The following SCAMP2 variants were observed in gnomAD, a reference collection of about 807,000 sequenced individuals.
SCAMP2 encodes the protein secretory carrier membrane protein 2.
SCAMP2 carries 25 observed loss-of-function variants against 44.1 expected under a neutral mutation model. The ratio of observed to expected loss-of-function variants is 0.57; its 90% CI spans 0.41 to 0.79. SCAMP2 has a LOEUF of 0.79. SCAMP2 is among the 30% of genes least tolerant of loss of function. The probability of loss-of-function intolerance (pLI) is 0.00; values close to 1 mark genes in which losing one functional copy is unlikely to be tolerated. For missense variants in SCAMP2, 355 were observed against 411.0 expected (o/e 0.86, Z 1.18); for synonymous variants, 156 against 166.0 (o/e 0.94, Z 0.46).
At chr15:74,845,633 G>A (rs772374527) in intron 7 of SCAMP2, 40 bp from the exon 8 acceptor site, 2 of 1,611,190 alleles carry the variant, frequency 1.2e-6, no homozygotes, top group South Asian at 2.2e-5. Context: ...CAAAGTGGGA[G>A]TGGGCTCCAA....
rs574850577 is a variant in SCAMP2 at position 74,857,464 on chromosome 15, G to A, written c.58-2815C>T. Among the ~76,000 whole-genome samples, 41 of 152,300 alleles carry A rather than the reference G, an allele frequency of 2.7e-4. 1 individual carries two copies. In the South Asian group the frequency reaches 7.5e-3, roughly 28 times the overall value. On this transcript the variant is annotated intron_variant, in intron 1 of 8. Coordinates refer to ENST00000268099, the MANE Select transcript of SCAMP2 (RefSeq NM_005697.5). ...CAGACTCAGCAGACACCTAGCCACC[G>A]CTGAAGTCACTGAAATCGGATCTAC...
At chr15:74,853,481 C>T (rs1567250818) in intron 3 of SCAMP2, 2 of 456,464 alleles carry the variant, frequency 4.4e-6, no homozygotes, top group South Asian at 3.1e-5. Context: ...AACTTGCTGG[C>T]CTGTCTAAGC....
intron 1 of SCAMP2, among the ~76,000 whole-genome samples, chr15:74,857,687 G>A (rs1047465046): frequency 3.3e-5 from 5 of 152,156 alleles, no homozygotes; most frequent in African/African-American, 1.2e-4. Flanking sequence ...GGGATCATAG[G>A]GTGACTGCCC....
chr15:74,855,087 T>TTCATTCATTTTACTTA (rs2064459854), intron 1 of SCAMP2, among the ~76,000 whole-genome samples: 1 of 151,640 alleles, frequency 6.6e-6, no homozygotes, highest in African/African-American at 2.4e-5. Context: ...TTATTATTCA[T>TTCATTCATTTTACTTA]TTATTCCTCT....
Position 74,847,086 on chromosome 15 carries a change from A to ATTTT in SCAMP2, c.735-1497_735-1494dup, listed in dbSNP as rs34231883. On this transcript the variant is annotated intron_variant, in intron 7 of 8. Transcript: ENST00000268099. ...AAACCCATACACCTATTGTCAGTTA[A>ATTTT]TTTTTTTTTTTTTTTTTTTTTTTGA... 5.7e-3 allele frequency among the ~76,000 whole-genome samples: 626 copies of ATTTT among 109,198 alleles called. 11 individuals carry two copies. The highest frequency in any genetic ancestry group is 8.2e-3 in the Non-Finnish European group (463 of 56,142). 71.6% of individuals were successfully genotyped at this position (109,198 alleles called of 152,430 possible). A position where few individuals can be genotyped will look rare whatever the true frequency, so the allele number is the denominator to read the frequency against.
At chr15:74,869,349 C>A (rs1022185027) in intron 1 of SCAMP2, among the ~76,000 whole-genome samples, 13 of 151,796 alleles carry the variant, frequency 8.6e-5, no homozygotes, top group African/African-American at 2.9e-4. Context: ...AATTAAAGAA[C>A]AAAAGCACAA....
chr15:74,845,761 C>T (rs2064395244), intron 7 of SCAMP2, among the ~76,000 whole-genome samples, 168 bp from the exon 8 acceptor site: 1 of 152,218 alleles, frequency 6.6e-6, no homozygotes, highest in African/African-American at 2.4e-5. Flanking sequence ...GAGGCCAGAC[C>T]TCCGTGAAGG....
At chr15:74,872,638 T>C (rs1020469221) in intron 1 of SCAMP2, among the ~76,000 whole-genome samples, 1 of 152,188 alleles carries the variant, frequency 6.6e-6, no homozygotes, top group African/African-American at 2.4e-5. Flanking sequence ...ATTTTTCAAC[T>C]TGGGCTACCT....
rs2064362330 is a variant in SCAMP2, at chr15:74,844,084, G to A, written c.*999C>T. ...GGCTTATCAGTCCCTGCTGAGGGAT[G>A]CGGTTCTGGACTGGCTGGCCCTGCC... On this transcript the variant is annotated 3_prime_UTR_variant, in exon 9 of 9. Transcript: ENST00000268099. The A allele has an allele frequency of 1.3e-5, 2 of 152,232 alleles. No homozygotes were observed. Among genetic ancestry groups the A allele is most frequent in the Admixed American group, 1.3e-4 (2 of 15,278 alleles). The allele number at this position is 152,232 out of a possible 1,614,324, so 9.4% of individuals were successfully genotyped here. A position where few individuals can be genotyped will look rare whatever the true frequency, so the allele number is the denominator to read the frequency against.
intron 1 of SCAMP2, among the ~76,000 whole-genome samples, chr15:74,862,850 C>CCACACA (rs1555475203): frequency 5.8e-5 from 2 of 34,234 alleles, no homozygotes; most frequent in Admixed American, 3.0e-4. Flanking sequence ...AAAAAACAAA[C>CCACACA]CATACACACA....
chr15:74,859,828 G>A (rs774523308), intron 1 of SCAMP2, among the ~76,000 whole-genome samples: 14 of 152,044 alleles, frequency 9.2e-5, no homozygotes, highest in African/African-American at 3.4e-4. Flanking sequence ...CATACCATGC[G>A]TTTCACAGGT....
At position 74,844,158 on chromosome 15, in the gene SCAMP2, T is replaced by C. The variant is rs1361724001; in HGVS notation, c.*925A>G. The C allele has an allele frequency of 2.6e-5, 3 of 117,534 alleles. No homozygotes were observed. The highest frequency in any genetic ancestry group is 5.0e-5 in the Non-Finnish European group (3 of 59,580). The allele number at this position is 117,534 out of a possible 1,614,324, so 7.3% of individuals were successfully genotyped here. On this transcript the variant is annotated 3_prime_UTR_variant, in exon 9 of 9. Coordinates refer to ENST00000268099, the MANE Select transcript of SCAMP2 (RefSeq NM_005697.5). ...TGATGGGGAGCATGGGCGGGGCAGG[T>C]GGCATCTGAGGCAGAGACAAAGGCA... is the stretch of plus-strand genomic sequence containing the variant.
At chr15:74,869,644 C>T (rs1433969766) in intron 1 of SCAMP2, among the ~76,000 whole-genome samples, 2 of 152,208 alleles carry the variant, frequency 1.3e-5, no homozygotes, top group East Asian at 3.9e-4. Context: ...TCATTGAGGT[C>T]TTGGTTTCCT....
chr15:74,862,110 A>G (rs1488012783), intron 1 of SCAMP2, among the ~76,000 whole-genome samples: 1 of 129,296 alleles, frequency 7.7e-6, no homozygotes, highest in Non-Finnish European at 1.7e-5. Context: ...AAAAAATACA[A>G]AAGTTAGCCA....
At chr15:74,858,453 C>T (rs2064480906) in intron 1 of SCAMP2, among the ~76,000 whole-genome samples, 1 of 152,094 alleles carries the variant, frequency 6.6e-6, no homozygotes, top group African/African-American at 2.4e-5. Flanking sequence ...CAGCTCGGGA[C>T]CCTGGCTGAG....
Position 74,850,522 on chromosome 15 carries a change from C to T in SCAMP2, c.624G>A (p.Lys208=). Residue 208 remains lysine (K), a synonymous_variant, in exon 6 of 9, where the codon AAG becomes AAA. Coordinates refer to ENST00000268099, the MANE Select transcript of SCAMP2 (RefSeq NM_005697.5). ...AFLCWYRPIY[K]AFRSDNSFSF... ...GCCCCGGCCTCACTCACCTAAAGGCCTTATAGATGGGTCGGTACCAACAAA... is the reference window on the plus strand; with the variant it reads ...GCCCCGGCCTCACTCACCTAAAGGCTTTATAGATGGGTCGGTACCAACAAA... 1 of 1,613,930 alleles carries T rather than the reference C, an allele frequency of 6.2e-7. No individual in the cohort carries two copies. The highest frequency in any genetic ancestry group is 8.5e-7 in the Non-Finnish European group (1 of 1,179,912).
intron 1 of SCAMP2, among the ~76,000 whole-genome samples, chr15:74,863,774 T>C (rs1396254410): frequency 6.6e-6 from 1 of 152,182 alleles, no homozygotes; most frequent in East Asian, 1.9e-4. Context: ...GAAAGAACCT[T>C]GATTCCTGCC....
chr15:74,873,098 G>T, intron 1 of SCAMP2, 101 bp downstream of exon 1: 1 of 1,060,774 alleles, frequency 9.4e-7, no homozygotes, highest in Non-Finnish European at 1.3e-6. Context: ...CAGATGACCC[G>T]TCCCTCCTAC....
intron 1 of SCAMP2, among the ~76,000 whole-genome samples, chr15:74,864,671 G>A (rs934115149): frequency 1.3e-5 from 2 of 152,272 alleles, no homozygotes; most frequent in Non-Finnish European, 2.9e-5. Context: ...ACAGCAGCTG[G>A]GGATGGAGAA....
Sources: allele counts gnomAD v4.1 joint callset (sites outside exome capture counted in the v4.1 genomes callset), GRCh38; gene constraint gnomAD v4.1.1; transcripts MANE v1.5; gene names NCBI Gene and HGNC (gene_info 2026-07-23, HGNC 2026-07-21).